The following SKI variants were observed in gnomAD, a reference collection of about 807,000 sequenced individuals.
SKI encodes ski oncogene.
SKI carries 23 observed loss-of-function variants against 59.3 expected under a neutral mutation model. That is an observed-to-expected ratio of 0.39 (90% CI 0.28 to 0.55). SKI has a LOEUF of 0.55. Among genes scored for constraint, SKI ranks in the 20% least tolerant of loss-of-function variants. SKI has a pLI of 0.67. For missense variants in SKI, 1,017 were observed against 1,038.9 expected, an observed-to-expected ratio of 0.98 and a Z score of 0.29; for synonymous variants, 673 against 488.6, an observed-to-expected ratio of 1.38 and a Z score of -4.98.
rs1466957888 is a variant in SKI, at chr1:2,228,719, G to T, written c.-48G>T. The stretch of plus-strand genomic sequence containing the variant: ...GCGGGGCGGCGGCGGGGGCCGGGGG[G>T]GCCCGGGCGCGCGGGAGCGGGAGCG... On this transcript the variant is annotated 5_prime_UTR_variant, in exon 1 of 7. Coordinates refer to ENST00000378536, the MANE Select transcript of SKI (RefSeq NM_003036.4). The T allele has an allele frequency of 8.0e-6, 8 of 1,002,976 alleles. No homozygotes were observed. Among genetic ancestry groups the T allele is most frequent in the Admixed American group, 6.0e-5 (1 of 16,534 alleles). The allele number at this position is 1,002,976 out of a possible 1,614,324, so 62.1% of individuals were successfully genotyped here. A position where few individuals can be genotyped will look rare whatever the true frequency, so the allele number is the denominator to read the frequency against.
In SKI at chr1:2,306,192, C is replaced by T; in HGVS notation, c.1940C>T (p.Ala647Val). 2 of 1,583,568 alleles carry T rather than the reference C, an allele frequency of 1.3e-6. No individual in the cohort carries two copies. The highest frequency in any genetic ancestry group is 1.1e-5 in the South Asian group (1 of 87,142). Residue 647 changes from alanine (A) to valine (V), a missense_variant, in exon 6 of 7, where the codon GCC becomes GTC. Transcript: ENST00000378536. ...CGGGAGCTGGAGCAGGCGCGGCAGG[C>T]CCGGGTGTGCGACAAGGGCTGCGAG... ...LKRELEQARQ[A>V]RVCDKGCEAG...
In SKI at chr1:2,306,851, C is replaced by T. The variant is rs1184818810; in HGVS notation, c.*86C>T. Reference sequence around the variant, plus strand: ...GGTGCAGCTCCGCCCGGCTCCGCCCCTGCAGCCCACACAGCACAACGTCTT... The same window carrying T: ...GGTGCAGCTCCGCCCGGCTCCGCCCTTGCAGCCCACACAGCACAACGTCTT... On this transcript the variant is annotated 3_prime_UTR_variant, in exon 7 of 7. Coordinates refer to ENST00000378536, the MANE Select transcript of SKI (RefSeq NM_003036.4). 3.3e-6 allele frequency: 3 copies of T among 916,804 alleles called. No homozygotes were observed. Among genetic ancestry groups the T allele is most frequent in the Non-Finnish European group, 4.4e-6 (3 of 688,316 alleles). 56.8% of individuals were successfully genotyped at this position (916,804 alleles called of 1,614,324 possible).
intron 1 of SKI, among the ~76,000 whole-genome samples, chr1:2,286,739 C>T (rs942925972): frequency 9.2e-5 from 14 of 152,154 alleles, no homozygotes; most frequent in African/African-American, 3.1e-4. Context: ...GGGCGCCTGT[C>T]TCCCTCCCTC....
intron 1 of SKI, among the ~76,000 whole-genome samples, chr1:2,243,288 AG>A (rs1638919826): frequency 1.3e-5 from 2 of 152,232 alleles, no homozygotes; most frequent in Admixed American, 1.3e-4. Flanking sequence ...TGGCTGCACG[AG>A]ATGTCAGTGT....
Position 2,280,695 on chromosome 1 carries a change from C to A in SKI, c.970-22283C>A, listed in dbSNP as rs371565712. On this transcript the variant is annotated intron_variant, in intron 1 of 6. Coordinates refer to ENST00000378536, the MANE Select transcript of SKI (RefSeq NM_003036.4). Reference sequence around the variant, plus strand: ...GCGGCGGCGATCTTCAGAGAGAGGACGCCCGAGAAGACAGGCGGCGGCGGC... The same window carrying A: ...GCGGCGGCGATCTTCAGAGAGAGGAAGCCCGAGAAGACAGGCGGCGGCGGC... Among the ~76,000 whole-genome samples the A allele has an allele frequency of 1.6e-3, 52 of 32,700 alleles. 1 individual carries two copies. In the East Asian group the frequency reaches 0.034, roughly 21 times the overall value. The allele number at this position is 32,700 out of a possible 152,430, so 21.5% of individuals were successfully genotyped here.
intron 1 of SKI, 23 bp from the exon 2 acceptor site, chr1:2,302,955 A>G (rs775313425): frequency 1.9e-6 from 3 of 1,613,202 alleles, no homozygotes; most frequent in African/African-American, 2.7e-5. Context: ...ACAGGTGCCA[A>G]CAAAACCTTT....
chr1:2,236,282 G>C (rs1638748241), intron 1 of SKI, among the ~76,000 whole-genome samples: 1 of 152,244 alleles, frequency 6.6e-6, no homozygotes, highest in African/African-American at 2.4e-5. Flanking sequence ...TGGGTCCCCA[G>C]TTTGGGGGCC....
chr1:2,247,848 A>C (rs1047999115), intron 1 of SKI: 2 of 152,388 alleles, frequency 1.3e-5, no homozygotes, highest in Admixed American at 6.5e-5. Context: ...TGCTGGCTGC[A>C]CACCTTGGCC....
intron 1 of SKI, among the ~76,000 whole-genome samples, chr1:2,246,729 G>A (rs1368415842): frequency 6.6e-6 from 1 of 152,200 alleles, no homozygotes; most frequent in African/African-American, 2.4e-5. Context: ...GGGGCCGAAG[G>A]CTGTGAGTGC....
intron 1 of SKI, among the ~76,000 whole-genome samples, chr1:2,283,352 G>T (rs746619515): frequency 9.7e-6 from 1 of 103,154 alleles, no homozygotes; most frequent in Admixed American, 8.5e-5. Flanking sequence ...GAGCCTCAGG[G>T]GGGGGAGGGC....
chr1:2,235,990 A>G (rs1261176045), intron 1 of SKI, among the ~76,000 whole-genome samples: 1 of 152,142 alleles, frequency 6.6e-6, no homozygotes, highest in Non-Finnish European at 1.5e-5. Context: ...ATCCTGGGAA[A>G]CGGCCGAGAT....
intron 1 of SKI, among the ~76,000 whole-genome samples, chr1:2,292,188 C>G (rs1640176033): frequency 6.6e-6 from 1 of 152,170 alleles, no homozygotes; most frequent in South Asian, 2.1e-4. Flanking sequence ...TCTGCCAGTC[C>G]CCGGAGAGGA....
At chr1:2,304,629 TG>T in intron 5 of SKI, 44 bp downstream of exon 5, 1 of 1,516,600 alleles carries the variant, frequency 6.6e-7, no homozygotes, top group Non-Finnish European at 8.9e-7. Context: ...GCACGGGCAG[TG>T]AGCACAGCCT....
Position 2,237,266 on chromosome 1 carries a change from G to C in SKI, c.969+7531G>C, listed in dbSNP as rs553116414. On this transcript the variant is annotated intron_variant, in intron 1 of 6. Transcript: ENST00000378536. ...AGGGAGCGCCCAGCAGGTGTCCAGC[G>C]GTGCTGGCGCTGCCTCTGTCTCTCT... Among the ~76,000 whole-genome samples the C allele has an allele frequency of 3.5e-3, 528 of 152,306 alleles. 2 individuals carry two copies. The highest frequency in any genetic ancestry group is 5.6e-3 in the Non-Finnish European group (383 of 68,014).
intron 1 of SKI, among the ~76,000 whole-genome samples, chr1:2,288,069 A>G (rs755297828): frequency 6.7e-6 from 1 of 148,356 alleles, no homozygotes; most frequent in Non-Finnish European, 1.5e-5. Context: ...GCTCACCCCA[A>G]CCTCCACCTC....
chr1:2,253,111 AT>A (rs1429259904), intron 1 of SKI, among the ~76,000 whole-genome samples: 1 of 150,162 alleles, frequency 6.7e-6, no homozygotes, highest in Non-Finnish European at 1.5e-5. Context: ...AAAAAAAAAA[AT>A]AGAGTTGCTA....
At chr1:2,296,717 ACGT>A (rs1231833290) in intron 1 of SKI, among the ~76,000 whole-genome samples, 1 of 151,542 alleles carries the variant, frequency 6.6e-6, no homozygotes, top group Non-Finnish European at 1.5e-5. Context: ...AAGCACAAAG[ACGT>A]CGTGATTGTT....
At chr1:2,293,304 C>T (rs1169844741) in intron 1 of SKI, among the ~76,000 whole-genome samples, 3 of 152,162 alleles carry the variant, frequency 2.0e-5, no homozygotes, top group South Asian at 4.1e-4. Context: ...CCCTGGGTGG[C>T]TGCCCTGTGT....
chr1:2,305,008 C>T (rs1386458999), intron 5 of SKI, among the ~76,000 whole-genome samples: 2 of 152,222 alleles, frequency 1.3e-5, no homozygotes, highest in South Asian at 4.1e-4. Flanking sequence ...TGTTCACGCG[C>T]TCCGCCAGCA....
Sources: gnomAD v4.1 joint callset for allele counts (sites outside exome capture counted in the v4.1 genomes callset) on GRCh38, gnomAD v4.1.1 for gene constraint, MANE v1.5 for transcripts, NCBI Gene and HGNC (gene_info 2026-07-23, HGNC 2026-07-21) for gene names.